LRRC4C: variants seen among roughly 807,000 people sequenced by gnomAD.
LRRC4C encodes the protein leucine-rich repeat-containing protein 4C.
In LRRC4C, 5 loss-of-function variants were observed where a neutral mutation model predicts 33.6. The observed-to-expected ratio is 0.15, with a 90% CI of 0.08 to 0.31. The LOEUF (loss-of-function observed/expected upper bound fraction) is 0.31. LRRC4C is among the 10% of genes least tolerant of loss of function. LRRC4C has a pLI of 1.00. For synonymous variants in LRRC4C, 329 were observed against 302.0 expected (o/e 1.09, Z -0.93); for missense variants, 560 against 796.7 (o/e 0.70, Z 3.58).
In LRRC4C at chr11:41,261,231, G is replaced by A. The variant is rs74883304; in HGVS notation, c.-496+198200C>T. Among the ~76,000 whole-genome samples, 900 of 152,168 alleles carry A rather than the reference G, an allele frequency of 5.9e-3. 12 individuals are homozygous for A. The highest frequency in any genetic ancestry group is 0.02 in the African/African-American group (849 of 41,526). ...TCACCTTTTCCACCGCAGCAACAAG[G>A]CACCACCTTTGAAGCAGAGAGTAAG... On this transcript the variant is annotated intron_variant, in intron 1 of 6. Coordinates refer to ENST00000528697, the MANE Select transcript of LRRC4C (RefSeq NM_001258419.2).
chr11:40,371,521 C>A (rs1233519454), intron 3 of LRRC4C, among the ~76,000 whole-genome samples: 2 of 152,114 alleles, frequency 1.3e-5, no homozygotes, highest in Non-Finnish European at 2.9e-5. Context: ...TGGTTATAGA[C>A]CATGGTGGAC....
intron 3 of LRRC4C, among the ~76,000 whole-genome samples, chr11:40,557,529 T>A (rs78945434): frequency 0.017 from 2,569 of 152,230 alleles, 91 homozygotes; most frequent in African/African-American, 0.058. Flanking sequence ...ACAAAAGCAA[T>A]AATTATACCA....
intron 3 of LRRC4C, among the ~76,000 whole-genome samples, chr11:40,458,808 AC>A (rs1952254024): frequency 6.6e-6 from 1 of 152,114 alleles, no homozygotes; most frequent in South Asian, 2.1e-4. Flanking sequence ...TAATATATTC[AC>A]CTTCACTTGG....
chr11:41,432,415 T>A (rs1030574393), intron 1 of LRRC4C, among the ~76,000 whole-genome samples: 5 of 152,038 alleles, frequency 3.3e-5, no homozygotes, highest in African/African-American at 9.7e-5. Context: ...AGCTGACAAA[T>A]CTAGGTGAGG....
At chr11:40,899,133 A>G (rs1956097882) in intron 2 of LRRC4C, among the ~76,000 whole-genome samples, 1 of 152,032 alleles carries the variant, frequency 6.6e-6, no homozygotes, top group Admixed American at 6.6e-5. Flanking sequence ...TAAAGAACTC[A>G]TTCAACTCAT....
intron 2 of LRRC4C, among the ~76,000 whole-genome samples, chr11:40,851,897 C>T (rs1397316885): frequency 6.6e-6 from 1 of 152,190 alleles, no homozygotes; most frequent in Non-Finnish European, 1.5e-5. Context: ...CTCCTTCCAC[C>T]AGAGTTTTAG....
At chr11:40,857,696 C>T (rs985179173) in intron 2 of LRRC4C, among the ~76,000 whole-genome samples, 2 of 152,138 alleles carry the variant, frequency 1.3e-5, no homozygotes, top group Non-Finnish European at 2.9e-5. Flanking sequence ...AGGTAGATTA[C>T]TTGACCCTAG....
chr11:41,253,879 C>T (rs1948719173), intron 1 of LRRC4C, among the ~76,000 whole-genome samples: 1 of 152,044 alleles, frequency 6.6e-6, no homozygotes, highest in Admixed American at 6.6e-5. Flanking sequence ...CTTGAAAGCA[C>T]TCTTTAGTGA....
intron 1 of LRRC4C, among the ~76,000 whole-genome samples, chr11:40,985,223 T>C (rs1056622248): frequency 2.6e-5 from 4 of 152,068 alleles, no homozygotes; most frequent in African/African-American, 4.8e-5. Flanking sequence ...ATACATGCTT[T>C]TTTCCTCCTT....
chr11:40,660,540 TGA>T, intron 2 of LRRC4C, among the ~76,000 whole-genome samples: 1 of 152,222 alleles, frequency 6.6e-6, no homozygotes. Context: ...TCCATTCTAA[TGA>T]GAGGCCAAAT....
chr11:40,770,293 G>A (rs1239134932), intron 2 of LRRC4C, among the ~76,000 whole-genome samples: 1 of 152,084 alleles, frequency 6.6e-6, no homozygotes, highest in Non-Finnish European at 1.5e-5. Context: ...GCAGAGTGAA[G>A]GCAGAGAAGC....
At chr11:40,936,558 G>A (rs149781137) in intron 1 of LRRC4C, among the ~76,000 whole-genome samples, 45 of 151,700 alleles carry the variant, frequency 3.0e-4, no homozygotes, top group African/African-American at 1.1e-3. Context: ...GGATGGTCTC[G>A]ATCTCCTGAC....
At chr11:40,980,346 G>A (rs1040317642) in intron 1 of LRRC4C, among the ~76,000 whole-genome samples, 5 of 152,246 alleles carry the variant, frequency 3.3e-5, no homozygotes, top group Non-Finnish European at 1.5e-5. Flanking sequence ...TATATTCTCC[G>A]CTTGCTGCAG....
intron 2 of LRRC4C, among the ~76,000 whole-genome samples, chr11:40,687,863 A>T (rs1945035544): frequency 6.6e-6 from 1 of 152,142 alleles, no homozygotes; most frequent in South Asian, 2.1e-4. Context: ...TTTCTGGCAT[A>T]GAATTAAACT....
intron 3 of LRRC4C, among the ~76,000 whole-genome samples, chr11:40,320,059 A>T (rs1945765866): frequency 6.6e-6 from 1 of 152,028 alleles, no homozygotes; most frequent in African/African-American, 2.4e-5. Flanking sequence ...TGTCATATGA[A>T]TTTCACTGGA....
chr11:41,098,753 A>C (rs1940974747), intron 1 of LRRC4C, among the ~76,000 whole-genome samples: 2 of 152,080 alleles, frequency 1.3e-5, no homozygotes, highest in Admixed American at 1.3e-4. Context: ...GTAATTTTTT[A>C]ACAACCTAAC....
intron 1 of LRRC4C, among the ~76,000 whole-genome samples, chr11:41,169,854 G>A (rs1370256506): frequency 6.6e-6 from 1 of 152,142 alleles, no homozygotes; most frequent in Non-Finnish European, 1.5e-5. Context: ...GGAAAACCGT[G>A]CTTAGATATT....
intron 1 of LRRC4C, among the ~76,000 whole-genome samples, chr11:41,258,730 C>T (rs1239086434): frequency 6.6e-6 from 1 of 151,820 alleles, no homozygotes; most frequent in African/African-American, 2.4e-5. Context: ...TTAAATAAAA[C>T]ATAGGCATTT....
At chr11:41,153,648 G>A (rs1279403714) in intron 1 of LRRC4C, among the ~76,000 whole-genome samples, 1 of 152,080 alleles carries the variant, frequency 6.6e-6, no homozygotes, top group Admixed American at 6.6e-5. Context: ...GTATCTTGTG[G>A]CACTATTTTT....
Sources: allele counts gnomAD v4.1 joint callset (sites outside exome capture counted in the v4.1 genomes callset), GRCh38; gene constraint gnomAD v4.1.1; transcripts MANE v1.5; gene names NCBI Gene and HGNC (gene_info 2026-07-23, HGNC 2026-07-21).